The following ST18 variants were observed in gnomAD, a reference collection of about 807,000 sequenced individuals.
ST18 encodes the protein suppression of tumorigenicity 18 protein.
A neutral mutation model predicts 110.0 loss-of-function variants in ST18; 50 were observed. The observed-to-expected ratio is 0.45, with a 90% CI of 0.36 to 0.58. The LOEUF is 0.58. Ranked by LOEUF, ST18 falls within the 20% of genes least tolerant of loss-of-function variation. The pLI, the probability that ST18 is intolerant of heterozygous loss-of-function variation, is 0.00. For synonymous variants in ST18, 461 were observed against 452.4 expected (o/e 1.02, Z -0.24); for missense variants, 1,306 against 1,280.1 (o/e 1.02, Z -0.31).
At chr8:52,134,951 A>G (rs968365427) in intron 19 of ST18, among the ~76,000 whole-genome samples, 1 of 152,234 alleles carries the variant, frequency 6.6e-6, no homozygotes, top group Non-Finnish European at 1.5e-5. Context: ...CAAAGACATT[A>G]CTTATTAGAT....
intron 22 of ST18, among the ~76,000 whole-genome samples, chr8:52,131,710 T>C (rs528837346): frequency 6.6e-6 from 1 of 152,296 alleles, no homozygotes; most frequent in East Asian, 1.9e-4. Flanking sequence ...TATTTTAGAA[T>C]ACAAATAAAA....
intron 2 of ST18, among the ~76,000 whole-genome samples, chr8:52,232,196 T>G (rs563175781): frequency 3.9e-4 from 59 of 152,322 alleles, no homozygotes; most frequent in African/African-American, 1.3e-3. Context: ...AGATAAAAAG[T>G]GAATGTTCTG....
chr8:52,338,201 G>T (rs887671897), intron 2 of ST18, among the ~76,000 whole-genome samples: 29 of 152,042 alleles, frequency 1.9e-4, no homozygotes, highest in Admixed American at 3.3e-4. Flanking sequence ...TGGGATTACA[G>T]GCATGTGCCA....
intron 19 of ST18, among the ~76,000 whole-genome samples, chr8:52,134,120 C>T (rs964176565): frequency 2.6e-5 from 4 of 152,290 alleles, no homozygotes; most frequent in East Asian, 1.9e-4. Context: ...CAGTGATACA[C>T]GTGAACTGCA....
At chr8:52,121,104 TTAAG>T (rs2044598737) in intron 23 of ST18, among the ~76,000 whole-genome samples, 1 of 152,144 alleles carries the variant, frequency 6.6e-6, no homozygotes, top group Non-Finnish European at 1.5e-5. Context: ...AGAAGACTGT[TTAAG>T]TGACAGCCTG....
At chr8:52,239,770 A>G (rs1178989291) in intron 2 of ST18, among the ~76,000 whole-genome samples, 1 of 151,992 alleles carries the variant, frequency 6.6e-6, no homozygotes, top group Non-Finnish European at 1.5e-5. Flanking sequence ...AGGACCCCAG[A>G]TGGGAGAACG....
chr8:52,199,679 G>A (rs1025781256), intron 8 of ST18: 1 of 152,164 alleles, frequency 6.6e-6, no homozygotes, highest in African/African-American at 2.4e-5. Flanking sequence ...TAGGCAAGTA[G>A]AAGTAAGTTC....
Position 52,118,414 on chromosome 8 carries a change from T to G in ST18, c.2783A>C (p.His928Pro). 1.2e-6 allele frequency: 2 copies of G among 1,611,406 alleles called. No individual in the cohort carries two copies. The highest frequency in any genetic ancestry group is 1.7e-6 in the Non-Finnish European group (2 of 1,178,774). Residue 928 changes from histidine to proline, a missense_variant, in exon 24 of 26, where the codon CAT becomes CCT. Coordinates refer to ENST00000689386, the MANE Select transcript of ST18 (RefSeq NM_001352837.2). ...CAGTTCCTTTATTTCTTCATCCAAA[T>G]GCCTAATTTCTTCATCACTCTCTAT... ...GGIESDEEIR[H>P]LDEEIKELNE...
At chr8:52,335,821 A>G (rs1811767154) in intron 2 of ST18, among the ~76,000 whole-genome samples, 1 of 152,104 alleles carries the variant, frequency 6.6e-6, no homozygotes, top group Non-Finnish European at 1.5e-5. Flanking sequence ...CCTTTAATTC[A>G]TTCTCCATAC....
At chr8:52,260,854 G>A (rs964913371) in intron 2 of ST18, among the ~76,000 whole-genome samples, 1 of 152,222 alleles carries the variant, frequency 6.6e-6, no homozygotes, top group Non-Finnish European at 1.5e-5. Context: ...TAAGTTCCAA[G>A]TTGCCTTCTA....
chr8:52,136,509 A>G (rs536404006), intron 19 of ST18, 81 bp downstream of exon 19: 1 of 1,374,582 alleles, frequency 7.3e-7, no homozygotes, highest in Admixed American at 2.0e-5. Context: ...GTTGCTGATC[A>G]CTTGGGCAAT....
chr8:52,142,687 T>G (rs10504134), intron 17 of ST18, among the ~76,000 whole-genome samples: 42,249 of 152,116 alleles, frequency 0.28, 8,027 homozygotes, highest in African/African-American at 0.55. Context: ...TGGTTATCAG[T>G]TTAAGAAGCA....
chr8:52,319,157 A>C (rs1342919074), intron 2 of ST18, among the ~76,000 whole-genome samples: 1 of 152,240 alleles, frequency 6.6e-6, no homozygotes, highest in Non-Finnish European at 1.5e-5. Flanking sequence ...AATATTGGTG[A>C]AAGTGGCCTG....
At chr8:52,330,702 C>T (rs1459681862) in intron 2 of ST18, among the ~76,000 whole-genome samples, 2 of 152,244 alleles carry the variant, frequency 1.3e-5, no homozygotes, top group Non-Finnish European at 2.9e-5. Flanking sequence ...CTGTGCTCAC[C>T]TGGCAGGTGA....
Position 52,396,186 on chromosome 8 carries a change from A to G in ST18, c.-465+13142T>C, listed in dbSNP as rs1037563082. On this transcript the variant is annotated intron_variant, in intron 2 of 25. Coordinates refer to ENST00000689386, the MANE Select transcript of ST18 (RefSeq NM_001352837.2). ...AAACTACTTATTTACAAAAATCCCTATTACAATTTTATTTACTATAGTCTT... is the reference window on the plus strand; with the variant it reads ...AAACTACTTATTTACAAAAATCCCTGTTACAATTTTATTTACTATAGTCTT... 2.6e-5 allele frequency among the ~76,000 whole-genome samples: 4 copies of G among 152,128 alleles called. No homozygotes were observed. The South Asian group carries it at 6.2e-4, about 24-fold the overall frequency.
At chr8:52,353,551 A>T (rs1309499601) in intron 2 of ST18, among the ~76,000 whole-genome samples, 1 of 152,242 alleles carries the variant, frequency 6.6e-6, no homozygotes. Context: ...ATGAGCAACT[A>T]GGAATTAACA....
chr8:52,306,282 T>C (rs2095811546), intron 2 of ST18, among the ~76,000 whole-genome samples: 1 of 152,210 alleles, frequency 6.6e-6, no homozygotes, highest in South Asian at 2.1e-4. Flanking sequence ...ATGATCACAT[T>C]CTGGCATGCT....
Position 52,113,078 on chromosome 8 carries a change from T to A in ST18, c.*120A>T, listed in dbSNP as rs1239010619. The A allele has an allele frequency of 4.4e-6, 5 of 1,133,722 alleles. No individual in the cohort carries two copies. The highest frequency in any genetic ancestry group is 5.9e-6 in the Non-Finnish European group (5 of 845,960). The allele number at this position is 1,133,722 out of a possible 1,614,324, so 70.2% of individuals were successfully genotyped here. On this transcript the variant is annotated 3_prime_UTR_variant, in exon 26 of 26. Coordinates refer to ENST00000689386, the MANE Select transcript of ST18 (RefSeq NM_001352837.2). ...GCTGGGGAAAATAAAATTAGTGCAA[T>A]GTTGCAAATTGTAAATGCAGTACGG... is the stretch of plus-strand genomic sequence containing the variant.
intron 2 of ST18, among the ~76,000 whole-genome samples, chr8:52,240,988 G>T (rs530544070): frequency 1.3e-5 from 2 of 152,300 alleles, no homozygotes; most frequent in East Asian, 3.9e-4. Flanking sequence ...GTACAAGAAA[G>T]GACCCATTAT....
Sources: gnomAD v4.1 joint callset for allele counts (sites outside exome capture counted in the v4.1 genomes callset) on GRCh38, gnomAD v4.1.1 for gene constraint, MANE v1.5 for transcripts, NCBI Gene and HGNC (gene_info 2026-07-23, HGNC 2026-07-21) for gene names.